RGS7: variants seen among roughly 807,000 people sequenced by gnomAD.
RGS7 encodes regulator of G protein signaling 7.
A neutral mutation model predicts 81.1 loss-of-function variants in RGS7; 27 were observed. The observed-to-expected ratio is 0.33, with a 90% CI of 0.25 to 0.46. The LOEUF (loss-of-function observed/expected upper bound fraction) is 0.46. Ranked by LOEUF, RGS7 falls within the 20% of genes least tolerant of loss-of-function variation. The probability of loss-of-function intolerance (pLI) is 1.00; values close to 1 mark genes in which losing one functional copy is unlikely to be tolerated. For synonymous variants in RGS7, 208 were observed against 207.7 expected (o/e 1.00, Z -0.01); for missense variants, 396 against 607.4 (o/e 0.65, Z 3.66).
At chr1:240,993,470 T>C (rs1212654279) in intron 3 of RGS7, among the ~76,000 whole-genome samples, 1 of 152,216 alleles carries the variant, frequency 6.6e-6, no homozygotes, top group Non-Finnish European at 1.5e-5. Flanking sequence ...CTAATGGTAT[T>C]GAACATGTTT....
chr1:240,981,639 C>T (rs1390647821), intron 4 of RGS7, among the ~76,000 whole-genome samples: 1 of 152,076 alleles, frequency 6.6e-6, no homozygotes, highest in African/African-American at 2.4e-5. Context: ...TAATTATCTC[C>T]CCTTTCACCT....
At chr1:241,233,481 T>C (rs947372077) in intron 2 of RGS7, among the ~76,000 whole-genome samples, 28 of 152,202 alleles carry the variant, frequency 1.8e-4, no homozygotes, top group Non-Finnish European at 5.9e-5. Flanking sequence ...ACTGAAATCA[T>C]GGGATATTTG....
rs188636145 is a variant in RGS7, at chr1:240,934,401, C to T, written c.333+2199G>A. On this transcript the variant is annotated intron_variant, in intron 5 of 18. Transcript: ENST00000440928. ...TCACTTCGGTGTAATAAAGAACTTT[C>T]GCTGCTTGGAACCAACGTAAAAACA... Among the ~76,000 whole-genome samples the T allele has an allele frequency of 1.8e-3, 278 of 152,248 alleles. 1 individual carries two copies. The highest frequency in any genetic ancestry group is 2.6e-3 in the Non-Finnish European group (179 of 68,024).
chr1:240,906,858 T>C (rs1227061405), intron 6 of RGS7, among the ~76,000 whole-genome samples: 2 of 152,150 alleles, frequency 1.3e-5, no homozygotes, highest in African/African-American at 2.4e-5. Context: ...ATCTGTCCCA[T>C]AACAAAGCTA....
intron 3 of RGS7, among the ~76,000 whole-genome samples, chr1:241,085,982 A>G (rs1285435386): frequency 1.3e-5 from 2 of 152,190 alleles, no homozygotes; most frequent in Non-Finnish European, 2.9e-5. Context: ...AAGTGAACTA[A>G]GGCCAGAAAC....
chr1:241,226,711 A>C (rs569208594), intron 2 of RGS7, among the ~76,000 whole-genome samples: 1 of 152,230 alleles, frequency 6.6e-6, no homozygotes, highest in Non-Finnish European at 1.5e-5. Context: ...AGCAGGTGAC[A>C]CCGAGCTGAA....
intron 6 of RGS7, among the ~76,000 whole-genome samples, chr1:240,882,887 C>T (rs1465596254): frequency 6.6e-6 from 1 of 152,038 alleles, no homozygotes; most frequent in Admixed American, 6.6e-5. Context: ...TTTAATTTAC[C>T]CTTTCGTTTT....
At chr1:241,236,637 C>G (rs925319584) in intron 2 of RGS7, among the ~76,000 whole-genome samples, 8 of 152,150 alleles carry the variant, frequency 5.3e-5, no homozygotes, top group Non-Finnish European at 1.0e-4. Flanking sequence ...ATGGTTTAAT[C>G]TGACAGAATA....
At chr1:241,294,934 G>T (rs188328604) in intron 2 of RGS7, among the ~76,000 whole-genome samples, 40 of 152,272 alleles carry the variant, frequency 2.6e-4, no homozygotes, top group Non-Finnish European at 5.0e-4. Flanking sequence ...GGTGAGAGAA[G>T]AGAAATCACC....
chr1:241,042,889 G>A (rs1378237767), intron 3 of RGS7, among the ~76,000 whole-genome samples: 3 of 150,584 alleles, frequency 2.0e-5, no homozygotes, highest in East Asian at 2.0e-4. Flanking sequence ...GCAGTGAGCC[G>A]AGATCACAGT....
At chr1:241,013,213 C>A (rs2059058476) in intron 3 of RGS7, among the ~76,000 whole-genome samples, 1 of 152,012 alleles carries the variant, frequency 6.6e-6, no homozygotes, top group Non-Finnish European at 1.5e-5. Context: ...CAGGTGTGCA[C>A]CACCATGCTC....
Position 241,174,905 on chromosome 1 carries a change from T to G in RGS7, c.79-76143A>C, listed in dbSNP as rs1024920647. ...AATTCACAGAATTTTGTTTTTTTTT[T>G]TTTTTTTTTTTTTTTGAGACGGAGT... On this transcript the variant is annotated intron_variant, in intron 2 of 18. Transcript: ENST00000440928. Among the ~76,000 whole-genome samples the G allele has an allele frequency of 5.7e-4, 79 of 138,380 alleles. 1 individual carries two copies. In the East Asian group the frequency reaches 0.013, roughly 23 times the overall value. The allele number at this position is 138,380 out of a possible 152,430, so 90.8% of individuals were successfully genotyped here.
intron 13 of RGS7, among the ~76,000 whole-genome samples, chr1:240,812,541 T>A (rs1690049549): frequency 6.7e-6 from 1 of 149,858 alleles, no homozygotes; most frequent in African/African-American, 2.5e-5. Context: ...TTCAAGAGAG[T>A]CTCCTGCTTC....
intron 18 of RGS7, among the ~76,000 whole-genome samples, chr1:240,776,753 C>T (rs1316445305): frequency 6.6e-6 from 1 of 152,100 alleles, no homozygotes; most frequent in Admixed American, 6.6e-5. Flanking sequence ...AGTCTGTTCC[C>T]TATCTTACAT....
intron 2 of RGS7, among the ~76,000 whole-genome samples, chr1:241,183,009 A>G (rs1388744952): frequency 6.7e-6 from 1 of 148,274 alleles, no homozygotes; most frequent in East Asian, 2.0e-4. Flanking sequence ...GTCCACATTT[A>G]TTTGCTTTCA....
chr1:240,966,415 T>G (rs552532203), intron 4 of RGS7, among the ~76,000 whole-genome samples: 2 of 152,194 alleles, frequency 1.3e-5, no homozygotes, highest in African/African-American at 4.8e-5. Flanking sequence ...GTATGAATTC[T>G]TGCTATGGCC....
At chr1:240,944,010 A>G (rs1678049243) in intron 4 of RGS7, among the ~76,000 whole-genome samples, 1 of 152,082 alleles carries the variant, frequency 6.6e-6, no homozygotes, top group South Asian at 2.1e-4. Context: ...AGATAATCAT[A>G]AGTCAACGAT....
chr1:241,183,070 A>G (rs1343386460), intron 2 of RGS7, among the ~76,000 whole-genome samples: 3 of 151,758 alleles, frequency 2.0e-5, no homozygotes, highest in Non-Finnish European at 4.4e-5. Context: ...CCTTATCCAG[A>G]GCCTGAAGCC....
chr1:240,794,068 T>A lies in RGS7; in HGVS notation c.*6+6573A>T, dbSNP rs554136026. Among the ~76,000 whole-genome samples, 43 of 152,276 alleles carry A rather than the reference T, an allele frequency of 2.8e-4. 1 individual carries two copies. The South Asian group carries it at 8.9e-3, about 32-fold the overall frequency. Reference sequence around the variant, plus strand: ...TGTAAAATCAAAACCTTCCTTCTCGTAGGTTCCAAGTCTGCTTGTGTCCTA... The same window carrying A: ...TGTAAAATCAAAACCTTCCTTCTCGAAGGTTCCAAGTCTGCTTGTGTCCTA... On this transcript the variant is annotated intron_variant, in intron 18 of 18. Transcript: ENST00000440928.
Sources: gnomAD v4.1 joint callset for allele counts (sites outside exome capture counted in the v4.1 genomes callset) on GRCh38, gnomAD v4.1.1 for gene constraint, MANE v1.5 for transcripts, NCBI Gene and HGNC (gene_info 2026-07-23, HGNC 2026-07-21) for gene names.